The following TRIO variants were observed in gnomAD, a reference collection of about 807,000 sequenced individuals.
TRIO encodes the protein trio Rho guanine nucleotide exchange factor, also known as triple functional domain protein.
In TRIO, 58 loss-of-function variants were observed where a neutral mutation model predicts 351.9. The ratio of observed to expected loss-of-function variants is 0.16; its 90% CI spans 0.13 to 0.21. The LOEUF is 0.21. Ranked by LOEUF, TRIO falls within the 10% of genes least tolerant of loss-of-function variation. TRIO has a pLI of 1.00. For synonymous variants in TRIO, 1,758 were observed against 1,595.7 expected, an observed-to-expected ratio of 1.10 and a Z score of -2.42; for missense variants, 3,201 against 4,027.8, an observed-to-expected ratio of 0.79 and a Z score of 5.56.
chr5:14,275,627 T>C (rs557118313), intron 2 of TRIO, among the ~76,000 whole-genome samples: 1 of 151,990 alleles, frequency 6.6e-6, no homozygotes, highest in Admixed American at 6.5e-5. Flanking sequence ...ATATGAGCAA[T>C]TCTATTGATT....
chr5:14,270,765 T>C, intron 1 of TRIO, 60 bp from the exon 2 acceptor site: 1 of 1,364,652 alleles, frequency 7.3e-7, no homozygotes, highest in South Asian at 1.2e-5. Flanking sequence ...ATAGAATGGT[T>C]AAGGAATTAA....
At position 14,498,223 on chromosome 5, in the gene TRIO, A is replaced by G. The variant is rs373399151; in HGVS notation, c.8182A>G (p.Asn2728Asp). Residue 2728 changes from asparagine to aspartate, a missense_variant, in exon 52 of 57, where the codon AAC (asparagine) becomes GAC (aspartate). Asn to Asp is a conservative substitution (Grantham distance 23, BLOSUM62 1). Coordinates refer to ENST00000344204, the MANE Select transcript of TRIO (RefSeq NM_007118.4). Reference sequence around the variant, plus strand: ...GGGCCCTGAACACAACACCTTGAACAACGATGGTCACTACAGCATCTCCTA... The same window carrying G: ...GGGCCCTGAACACAACACCTTGAACGACGATGGTCACTACAGCATCTCCTA... ...WKGPEHNTLN[N>D]DGHYSISYSD... is the part of the protein sequence containing the mutation. 2 of 1,614,102 alleles carry G rather than the reference A, an allele frequency of 1.2e-6. No individual in the cohort carries two copies. Among genetic ancestry groups the G allele is most frequent in the African/African-American group, 2.7e-5 (2 of 74,940 alleles).
intron 53 of TRIO, 151 bp downstream of exon 53, chr5:14,498,791 G>A (rs1045689553): frequency 8.2e-7 from 1 of 1,214,044 alleles, no homozygotes; most frequent in Non-Finnish European, 1.1e-6. Flanking sequence ...GTTGTAAGTA[G>A]CAGACCAGAG....
At chr5:14,480,630 C>T (rs897052650) in intron 43 of TRIO, among the ~76,000 whole-genome samples, 1 of 152,174 alleles carries the variant, frequency 6.6e-6, no homozygotes, top group African/African-American at 2.4e-5. Flanking sequence ...ATTGATATTC[C>T]TTCGTGTACA....
intron 11 of TRIO, among the ~76,000 whole-genome samples, chr5:14,349,401 C>T (rs1272899722): frequency 6.6e-6 from 1 of 152,124 alleles, no homozygotes; most frequent in Non-Finnish European, 1.5e-5. Flanking sequence ...CCTATTATTC[C>T]ATATCTCTTT....
At chr5:14,154,405 G>GT (rs1191360754) in intron 1 of TRIO, among the ~76,000 whole-genome samples, 1 of 152,148 alleles carries the variant, frequency 6.6e-6, no homozygotes, top group Non-Finnish European at 1.5e-5. Context: ...TAAAATGGTT[G>GT]TGGTCACTCC....
intron 40 of TRIO, among the ~76,000 whole-genome samples, chr5:14,475,999 A>G (rs1755048034): frequency 6.6e-6 from 1 of 152,214 alleles, no homozygotes; most frequent in South Asian, 2.1e-4. Context: ...TTGTTGTCCT[A>G]CAGCTATTTT....
chr5:14,367,823 A>G (rs1231492621), intron 16 of TRIO, among the ~76,000 whole-genome samples: 1 of 152,156 alleles, frequency 6.6e-6, no homozygotes, highest in African/African-American at 2.4e-5. Flanking sequence ...ACATGCATTA[A>G]CACCTCTTCC....
At chr5:14,243,992 C>G (rs1299985242) in intron 1 of TRIO, among the ~76,000 whole-genome samples, 2 of 152,190 alleles carry the variant, frequency 1.3e-5, no homozygotes, top group Non-Finnish European at 2.9e-5. Flanking sequence ...GGTCCTGCAG[C>G]CAGGACCTGC....
rs531326417 is a variant in TRIO at position 14,380,047 on chromosome 5, TCTCTTTC to T, written c.3448-1077_3448-1071del. Among the ~76,000 whole-genome samples, 535 of 152,184 alleles carry T rather than the reference TCTCTTTC, an allele frequency of 3.5e-3. 2 individuals are homozygous for T. Among genetic ancestry groups the T allele is most frequent in the African/African-American group, 0.012 (502 of 41,504 alleles). On this transcript the variant is annotated intron_variant, in intron 20 of 56. Transcript: ENST00000344204. ...CGCTCATTTTTGGCTTGTTCTTATCTCTCTTTCCTCTTCTGTCTTTTCTGTGCGCTGT... is the reference window on the plus strand; with the variant it reads ...CGCTCATTTTTGGCTTGTTCTTATCTCTCTTCTGTCTTTTCTGTGCGCTGT...
intron 9 of TRIO, among the ~76,000 whole-genome samples, chr5:14,323,546 A>G (rs1343865105): frequency 6.6e-6 from 1 of 152,064 alleles, no homozygotes; most frequent in Non-Finnish European, 1.5e-5. Flanking sequence ...TTAGTCCTTT[A>G]GGAGGGAATC....
At chr5:14,316,480 T>C in intron 8 of TRIO, 33 bp from the exon 9 acceptor site, 1 of 1,610,258 alleles carries the variant, frequency 6.2e-7, no homozygotes, top group Non-Finnish European at 8.5e-7. Flanking sequence ...AAACCTCAGA[T>C]CGTGAAGAAT....
intron 9 of TRIO, among the ~76,000 whole-genome samples, chr5:14,328,144 T>C (rs946013204): frequency 6.6e-6 from 1 of 152,108 alleles, no homozygotes; most frequent in African/African-American, 2.4e-5. Context: ...CCAGTTAAAG[T>C]GCACGCCCAA....
intron 41 of TRIO, among the ~76,000 whole-genome samples, chr5:14,478,295 T>G (rs1488588852): frequency 6.6e-6 from 1 of 152,252 alleles, no homozygotes; most frequent in African/African-American, 2.4e-5. Flanking sequence ...AGTTTTGTTT[T>G]GTTTTTTACT....
chr5:14,488,299 G>C (rs932640852), intron 48 of TRIO, 39 bp downstream of exon 48: 16 of 1,518,018 alleles, frequency 1.1e-5, no homozygotes, highest in Admixed American at 4.0e-5. Flanking sequence ...CCGCCCCCCT[G>C]CCTCTGTCCC....
rs1284237629 is a variant in TRIO at position 14,509,162 on chromosome 5, C to A, written c.*740C>A. 1 of 255,352 alleles carries A rather than the reference C, an allele frequency of 3.9e-6. No homozygotes were observed. The highest frequency in any genetic ancestry group is 1.5e-4 in the East Asian group (1 of 6,572). The allele number at this position is 255,352 out of a possible 1,614,324, so 15.8% of individuals were successfully genotyped here. A position where few individuals can be genotyped will look rare whatever the true frequency, so the allele number is the denominator to read the frequency against. ...TGGGTCCTGCCCCACTGCCCCTCCC[C>A]CTGTTCCTGCCCCAAGCCGTCAATC... On this transcript the variant is annotated 3_prime_UTR_variant, in exon 57 of 57. Coordinates refer to ENST00000344204, the MANE Select transcript of TRIO (RefSeq NM_007118.4).
At position 14,297,259 on chromosome 5, in the gene TRIO, A is replaced by G; in HGVS notation, c.1364A>G (p.Glu455Gly). 6.2e-7 allele frequency: 1 copy of G among 1,613,500 alleles called. No homozygotes were observed. The highest frequency in any genetic ancestry group is 2.2e-5 in the East Asian group (1 of 44,852). ...DMSSIFHQKA[E>G]KYMSNVDSWC... Reference sequence around the variant, plus strand: ...TCCTCCATTTTCCACCAGAAGGCCGAAAAGGTCAGTGCCTTGAACCCCCAG... The same window carrying G: ...TCCTCCATTTTCCACCAGAAGGCCGGAAAGGTCAGTGCCTTGAACCCCCAG... Residue 455 changes from glutamate (E) to glycine (G), a missense_variant, in exon 7 of 57, where the codon GAA (glutamate) becomes GGA (glycine). Physicochemically the swap from Glu to Gly is moderately conservative, Grantham distance 98. Coordinates refer to ENST00000344204, the MANE Select transcript of TRIO (RefSeq NM_007118.4).
intron 2 of TRIO, 137 bp downstream of exon 2, chr5:14,271,036 T>C: frequency 1.5e-6 from 1 of 664,016 alleles, no homozygotes. Context: ...TTTATTCTTG[T>C]AGCACTGTTT....
intron 1 of TRIO, among the ~76,000 whole-genome samples, chr5:14,221,579 C>T (rs1792622837): frequency 6.6e-6 from 1 of 152,196 alleles, no homozygotes; most frequent in South Asian, 2.1e-4. Flanking sequence ...ATTCCAGTCT[C>T]GTGGATGACT....
Sources: gnomAD v4.1 joint callset for allele counts (sites outside exome capture counted in the v4.1 genomes callset) on GRCh38, gnomAD v4.1.1 for gene constraint, MANE v1.5 for transcripts, NCBI Gene and HGNC (gene_info 2026-07-23, HGNC 2026-07-21) for gene names.